The following ACSL1 variants were observed in gnomAD, a reference collection of about 807,000 sequenced individuals.
The protein encoded by ACSL1 is long-chain-fatty-acid--CoA ligase 1.
Under a neutral mutation model 98.4 loss-of-function variants are expected in ACSL1, and 41 were observed. That is an observed-to-expected ratio of 0.42 (90% CI 0.32 to 0.54). ACSL1 has a LOEUF of 0.54. Ranked by LOEUF, ACSL1 falls within the 20% of genes least tolerant of loss-of-function variation. The pLI, the probability that ACSL1 is intolerant of heterozygous loss-of-function variation, is 0.13. For synonymous variants in ACSL1, 316 were observed against 322.7 expected, an observed-to-expected ratio of 0.98 and a Z score of 0.22; for missense variants, 734 against 883.1, an observed-to-expected ratio of 0.83 and a Z score of 2.14.
intron 1 of ACSL1, among the ~76,000 whole-genome samples, chr4:184,818,968 G>C (rs71622982): frequency 0.014 from 2,084 of 152,006 alleles, 31 homozygotes; most frequent in Non-Finnish European, 0.02. Context: ...GGAGTATTTC[G>C]ATATTTTAAC....
intron 1 of ACSL1, among the ~76,000 whole-genome samples, chr4:184,821,778 T>C (rs1329509707): frequency 6.6e-6 from 1 of 152,206 alleles, no homozygotes; most frequent in East Asian, 1.9e-4. Flanking sequence ...TTGAAGAATA[T>C]GTAACAACGT....
intron 2 of ACSL1, among the ~76,000 whole-genome samples, chr4:184,796,956 G>A (rs1469670629): frequency 6.6e-6 from 1 of 152,234 alleles, no homozygotes; most frequent in Middle Eastern, 3.4e-3. Flanking sequence ...CTATTGCCCT[G>A]CCTTGCAACT....
rs908715030 is a variant in ACSL1 at position 184,766,818 on chromosome 4, T to C, written c.1129-62A>G. On this transcript the variant is annotated intron_variant, in intron 12 of 20. Coordinates refer to ENST00000281455, the MANE Select transcript of ACSL1 (RefSeq NM_001995.5). This position sits in a 1 kb window ranked among gnomAD's most constrained non-coding sequence, Gnocchi z 4.8. ...CTAGGATGGCCAGAGTCAAAGAGTGTGGAGAAATCAGAACCCTCACACACA... is the reference window on the plus strand; with the variant it reads ...CTAGGATGGCCAGAGTCAAAGAGTGCGGAGAAATCAGAACCCTCACACACA... The C allele has an allele frequency of 6.5e-6, 10 of 1,542,130 alleles. No individual in the cohort carries two copies. In the South Asian group the frequency reaches 8.2e-5, roughly 13 times the overall value.
At chr4:184,770,241 C>T in intron 11 of ACSL1, 158 bp downstream of exon 11, 1 of 1,538,868 alleles carries the variant, frequency 6.5e-7, no homozygotes, top group Non-Finnish European at 8.7e-7. Context: ...TGACAGTCCG[C>T]ACGCCACACT....
At chr4:184,789,751 T>C (rs958763938) in intron 2 of ACSL1, among the ~76,000 whole-genome samples, 8 of 152,236 alleles carry the variant, frequency 5.3e-5, no homozygotes, top group African/African-American at 1.7e-4. Flanking sequence ...AGGTAGCAGG[T>C]CTCCAATGTG....
In ACSL1 at chr4:184,773,609, A is replaced by G; in HGVS notation, c.841+54T>C. ...ATAAGTCATCCAAAAGAGGTAGGGG[A>G]GAGTCCAGACCAATGGCTGCCATAT... On this transcript the variant is annotated intron_variant, in intron 9 of 20. Coordinates refer to ENST00000281455, the MANE Select transcript of ACSL1 (RefSeq NM_001995.5). This position sits in a 1 kb window ranked among gnomAD's most constrained non-coding sequence, Gnocchi z 4.3. 2.0e-6 allele frequency: 3 copies of G among 1,523,006 alleles called. No homozygotes were observed. The highest frequency in any genetic ancestry group is 1.2e-5 in the South Asian group (1 of 82,628). 94.3% of individuals were successfully genotyped at this position (1,523,006 alleles called of 1,614,324 possible). A position where few individuals can be genotyped will look rare whatever the true frequency, so the allele number is the denominator to read the frequency against.
Position 184,803,065 on chromosome 4 carries a change from A to G in ACSL1, c.195+255T>C, listed in dbSNP as rs1770791373. Among the ~76,000 whole-genome samples the G allele has an allele frequency of 6.6e-6, 1 of 152,170 alleles. No individual in the cohort carries two copies. Among genetic ancestry groups the G allele is most frequent in the Non-Finnish European group, 1.5e-5 (1 of 68,032 alleles). On this transcript the variant is annotated intron_variant, in intron 2 of 20. Coordinates refer to ENST00000281455, the MANE Select transcript of ACSL1 (RefSeq NM_001995.5). This position sits in a 1 kb window ranked among gnomAD's most constrained non-coding sequence, Gnocchi z 4.8. ...ACCACAGTGCCTACCACAGCGTAGA[A>G]ACTCAATGTCATTTCTAGAATGATC...
intron 2 of ACSL1, among the ~76,000 whole-genome samples, chr4:184,797,675 T>C (rs1476915490): frequency 6.6e-6 from 1 of 152,208 alleles, no homozygotes; most frequent in African/African-American, 2.4e-5. Context: ...CCCACAGCTG[T>C]AGTTCTATGG....
rs1763695600 is a variant in ACSL1 at position 184,766,904 on chromosome 4, A to C, written c.1129-148T>G. 7 of 872,822 alleles carry C rather than the reference A, an allele frequency of 8.0e-6. No homozygotes were observed. In the East Asian group the frequency reaches 1.9e-4, roughly 23 times the overall value. The allele number at this position is 872,822 out of a possible 1,614,324, so 54.1% of individuals were successfully genotyped here. On this transcript the variant is annotated intron_variant, in intron 12 of 20. Coordinates refer to ENST00000281455, the MANE Select transcript of ACSL1 (RefSeq NM_001995.5). This position sits in a 1 kb window ranked among gnomAD's most constrained non-coding sequence, Gnocchi z 4.8. ...GCCTGGCCGGTCCTCTAACGGCCCCACATGGTCAGCACAGGACAGCAATTC... is the reference window on the plus strand; with the variant it reads ...GCCTGGCCGGTCCTCTAACGGCCCCCCATGGTCAGCACAGGACAGCAATTC...
intron 10 of ACSL1, among the ~76,000 whole-genome samples, chr4:184,772,706 T>C (rs761612778): frequency 4.9e-4 from 74 of 152,202 alleles, no homozygotes; most frequent in Non-Finnish European, 7.3e-5. Context: ...TTTTAACATA[T>C]CATTGCCAAT....
intron 2 of ACSL1, among the ~76,000 whole-genome samples, chr4:184,790,690 G>T (rs1014423200): frequency 6.6e-6 from 1 of 152,276 alleles, no homozygotes; most frequent in Admixed American, 6.5e-5. Flanking sequence ...TTTCTTTTCT[G>T]TAAAATGGAG....
At chr4:184,815,688 A>G (rs1344666904) in intron 1 of ACSL1, among the ~76,000 whole-genome samples, 1 of 152,318 alleles carries the variant, frequency 6.6e-6, no homozygotes, top group East Asian at 1.9e-4. Flanking sequence ...GAAATGGCTT[A>G]GCAGGACACG....
In ACSL1 at chr4:184,757,540, T is replaced by C; in HGVS notation, c.1956+95A>G. On this transcript the variant is annotated intron_variant, in intron 20 of 20. Coordinates refer to ENST00000281455, the MANE Select transcript of ACSL1 (RefSeq NM_001995.5). The surrounding 1 kb of genome is among the most constrained non-coding windows in gnomAD (Gnocchi z 4.5). The stretch of plus-strand genomic sequence containing the variant: ...ATTATTTATTCCTCATGTATGTCTT[T>C]AGGTCACCCCATATGTTTATATAAT... 2.5e-6 allele frequency: 3 copies of C among 1,191,816 alleles called. No homozygotes were observed. The highest frequency in any genetic ancestry group is 2.7e-4 in the Middle Eastern group (1 of 3,672). The allele number at this position is 1,191,816 out of a possible 1,614,324, so 73.8% of individuals were successfully genotyped here.
rs573772667 is a variant in ACSL1 at position 184,810,124 on chromosome 4, T to A, written c.-32-6578A>T. Among the ~76,000 whole-genome samples, 3 of 152,244 alleles carry A rather than the reference T, an allele frequency of 2.0e-5. No individual in the cohort carries two copies. The South Asian group carries it at 6.2e-4, about 32-fold the overall frequency. ...ACCTCATACTCTATTTATAGCTTTT[T>A]AAACTGATTTTTAAATGCACTTTTT... On this transcript the variant is annotated intron_variant, in intron 1 of 20. Transcript: ENST00000281455.
intron 11 of ACSL1, among the ~76,000 whole-genome samples, chr4:184,768,797 C>T (rs376047374): frequency 6.6e-6 from 1 of 152,072 alleles, no homozygotes; most frequent in Non-Finnish European, 1.5e-5. Context: ...TGGCTGGGCG[C>T]GGTGGCTTAC....
In ACSL1 at chr4:184,788,695, T is replaced by C; in HGVS notation, c.232A>G (p.Ser78Gly). 1 of 1,614,168 alleles carries C rather than the reference T, an allele frequency of 6.2e-7. No individual in the cohort carries two copies. The highest frequency in any genetic ancestry group is 8.5e-7 in the Non-Finnish European group (1 of 1,180,034). Residue 78 changes from serine (S) to glycine (G), a missense_variant, in exon 3 of 21, where the codon AGC becomes GGC. By Grantham distance (56) the Ser-to-Gly change is moderately conservative. Coordinates refer to ENST00000281455, the MANE Select transcript of ACSL1 (RefSeq NM_001995.5). ...TAGAAATACACCAAGGGCTCGTCGC[T>C]GTCAAGTAGTGCGGATCTTCGTGCA... ...GGARRSALLD[S>G]DEPLVYFYDD...
chr4:184,773,936 T>A lies in ACSL1; in HGVS notation c.757-61A>T. ...CGTTTTCTAACTGTAAAGGATAAGG[T>A]CACATCGAGTCACTTAAAGCTGGCT... On this transcript the variant is annotated intron_variant, in intron 7 of 20. Coordinates refer to ENST00000281455, the MANE Select transcript of ACSL1 (RefSeq NM_001995.5). This position sits in a 1 kb window ranked among gnomAD's most constrained non-coding sequence, Gnocchi z 4.3. 6.3e-7 allele frequency: 1 copy of A among 1,583,798 alleles called. No homozygotes were observed. The highest frequency in any genetic ancestry group is 8.7e-7 in the Non-Finnish European group (1 of 1,156,016).
intron 1 of ACSL1, among the ~76,000 whole-genome samples, chr4:184,807,363 T>C (rs1771560814): frequency 6.6e-6 from 1 of 152,238 alleles, no homozygotes; most frequent in Admixed American, 6.5e-5. Flanking sequence ...GGAGCCAGTA[T>C]TTCCCAGCTG....
At chr4:184,765,169 G>A (rs747667769) in intron 14 of ACSL1, among the ~76,000 whole-genome samples, 20 of 152,140 alleles carry the variant, frequency 1.3e-4, no homozygotes, top group Non-Finnish European at 2.6e-4. Flanking sequence ...CTATGTGACT[G>A]GTCACCACCC....
Sources: allele counts gnomAD v4.1 joint callset (sites outside exome capture counted in the v4.1 genomes callset), GRCh38; gene constraint gnomAD v4.1.1; non-coding constraint Gnocchi (gnomAD v3.1); transcripts MANE v1.5; gene names NCBI Gene and HGNC (gene_info 2026-07-23, HGNC 2026-07-21).